The following AMBRA1 variants were observed in gnomAD, a reference collection of about 807,000 sequenced individuals.
AMBRA1 encodes autophagy and beclin 1 regulator 1.
A neutral mutation model predicts 125.4 loss-of-function variants in AMBRA1; 47 were observed. That is an observed-to-expected ratio of 0.37 (90% CI 0.30 to 0.48). The LOEUF (loss-of-function observed/expected upper bound fraction) is 0.48, where lower values mean the gene tolerates loss of function less well. AMBRA1 is among the 20% of genes least tolerant of loss of function. The probability of loss-of-function intolerance (pLI) is 0.99; values close to 1 mark genes in which losing one functional copy is unlikely to be tolerated. For synonymous variants in AMBRA1, 626 were observed against 655.5 expected (o/e 0.95, Z 0.69); for missense variants, 1,331 against 1,693.4 (o/e 0.79, Z 3.76).
chr11:46,583,670 A>AC (rs1333859159), intron 1 of AMBRA1, among the ~76,000 whole-genome samples: 23 of 144,078 alleles, frequency 1.6e-4, no homozygotes, highest in African/African-American at 6.1e-4. Context: ...AAAAAAAAAA[A>AC]AAAAAAAAAC....
intron 1 of AMBRA1, among the ~76,000 whole-genome samples, chr11:46,583,804 A>T (rs1192887368): frequency 6.6e-6 from 1 of 151,284 alleles, no homozygotes; most frequent in Non-Finnish European, 1.5e-5. Flanking sequence ...AGAGAAATGC[A>T]AATCAAAACC....
chr11:46,453,497 G>T (rs549987227), intron 11 of AMBRA1, among the ~76,000 whole-genome samples: 18 of 152,222 alleles, frequency 1.2e-4, no homozygotes, highest in Admixed American at 7.9e-4. Context: ...GTTCATATGA[G>T]AATTAAATAG....
intron 9 of AMBRA1, among the ~76,000 whole-genome samples, chr11:46,497,144 A>T (rs575334575): frequency 6.6e-6 from 1 of 152,002 alleles, no homozygotes; most frequent in South Asian, 2.1e-4. Flanking sequence ...AAAATAAAAT[A>T]AAAAAATAAA....
At chr11:46,541,875 C>T in intron 7 of AMBRA1, 70 bp downstream of exon 7, 1 of 1,574,926 alleles carries the variant, frequency 6.3e-7, no homozygotes, top group Non-Finnish European at 8.6e-7. Context: ...GCCACAACAT[C>T]TATAGGACTC....
chr11:46,538,204 C>T (rs1952568315), intron 7 of AMBRA1, among the ~76,000 whole-genome samples: 1 of 152,194 alleles, frequency 6.6e-6, no homozygotes, highest in South Asian at 2.1e-4. Context: ...ATTTTTGAGA[C>T]AGCTGTCAGC....
At chr11:46,490,887 A>G (rs1358668896) in intron 11 of AMBRA1, 1 of 152,210 alleles carries the variant, frequency 6.6e-6, no homozygotes, top group Admixed American at 6.5e-5. Flanking sequence ...GACCATTACA[A>G]TCTCATTCCA....
At chr11:46,412,939 T>C (rs1946365824) in intron 15 of AMBRA1, among the ~76,000 whole-genome samples, 2 of 152,242 alleles carry the variant, frequency 1.3e-5, no homozygotes, top group Admixed American at 6.5e-5. Flanking sequence ...CTTGTCAAGA[T>C]GTATTGACAG....
At chr11:46,418,108 C>A in intron 14 of AMBRA1, 56 bp from the exon 15 acceptor site, 2 of 1,458,706 alleles carry the variant, frequency 1.4e-6, no homozygotes, top group Non-Finnish European at 1.8e-6. Flanking sequence ...AATTTGTTAC[C>A]AAGAATAACA....
At chr11:46,446,658 T>C (rs1948298937) in intron 11 of AMBRA1, among the ~76,000 whole-genome samples, 1 of 152,186 alleles carries the variant, frequency 6.6e-6, no homozygotes, top group Admixed American at 6.5e-5. Context: ...TAGATGCCAG[T>C]AGCACCCCAC....
At chr11:46,555,944 G>C (rs1216236184) in intron 1 of AMBRA1, among the ~76,000 whole-genome samples, 1 of 152,206 alleles carries the variant, frequency 6.6e-6, no homozygotes, top group Non-Finnish European at 1.5e-5. Flanking sequence ...TGTGGGCAAA[G>C]TCTAAGAGTC....
chr11:46,398,073 A>C, intron 17 of AMBRA1, 130 bp from the exon 18 acceptor site: 6 of 1,230,898 alleles, frequency 4.9e-6, no homozygotes, highest in Non-Finnish European at 6.6e-6. Context: ...TCGCTCCATC[A>C]CTGTGAAAAC....
At chr11:46,434,676 T>C (rs1309336171) in intron 13 of AMBRA1, among the ~76,000 whole-genome samples, 173 bp downstream of exon 13, 3 of 152,220 alleles carry the variant, frequency 2.0e-5, no homozygotes, top group Non-Finnish European at 4.4e-5. Context: ...CAGATGCTTC[T>C]GCAATGTTAC....
intron 11 of AMBRA1, among the ~76,000 whole-genome samples, chr11:46,447,331 TCGAGACCAG>T (rs1231380074): frequency 6.6e-6 from 1 of 152,004 alleles, no homozygotes; most frequent in African/African-American, 2.4e-5. Flanking sequence ...GGTCAGGAGT[TCGAGACCAG>T]CGTGACCAAC....
At chr11:46,517,675 A>C (rs1951558495) in intron 7 of AMBRA1, among the ~76,000 whole-genome samples, 1 of 150,012 alleles carries the variant, frequency 6.7e-6, no homozygotes, top group African/African-American at 2.4e-5. Context: ...TCTACTAAAA[A>C]TACAAAAAAT....
intron 1 of AMBRA1, among the ~76,000 whole-genome samples, chr11:46,578,811 G>A (rs548276133): frequency 1.5e-3 from 218 of 147,858 alleles, no homozygotes; most frequent in African/African-American, 5.2e-3. Flanking sequence ...AACCCGGGAG[G>A]TGGAGCTTGC....
At chr11:46,449,172 T>C (rs1162915365) in intron 11 of AMBRA1, among the ~76,000 whole-genome samples, 2 of 152,138 alleles carry the variant, frequency 1.3e-5, no homozygotes, top group South Asian at 2.1e-4. Flanking sequence ...CAACATCATA[T>C]TGGAAGTCCT....
chr11:46,471,278 C>T (rs148009276), intron 11 of AMBRA1, among the ~76,000 whole-genome samples: 2 of 151,894 alleles, frequency 1.3e-5, no homozygotes, highest in African/African-American at 4.8e-5. Context: ...CCCACCTCTG[C>T]TAAAAAATAT....
chr11:46,516,839 C>G (rs1290333080), intron 7 of AMBRA1, among the ~76,000 whole-genome samples: 2 of 152,050 alleles, frequency 1.3e-5, no homozygotes, highest in African/African-American at 2.4e-5. Flanking sequence ...GCTGTGACCA[C>G]CACAAACTTG....
At chr11:46,481,899 A>C (rs1477532744) in intron 11 of AMBRA1, among the ~76,000 whole-genome samples, 2 of 152,232 alleles carry the variant, frequency 1.3e-5, no homozygotes, top group Non-Finnish European at 2.9e-5. Flanking sequence ...GCTGGTGATT[A>C]ATATGTGAGA....
Sources: gnomAD v4.1 joint callset for allele counts (sites outside exome capture counted in the v4.1 genomes callset) on GRCh38, gnomAD v4.1.1 for gene constraint, MANE v1.5 for transcripts, NCBI Gene and HGNC (gene_info 2026-07-23, HGNC 2026-07-21) for gene names.